DCP2: variants seen among roughly 807,000 people sequenced by gnomAD.
The protein encoded by DCP2 is m7GpppN-mRNA hydrolase.
In DCP2, 30 loss-of-function variants were observed where a neutral mutation model predicts 56.1. The ratio of observed to expected loss-of-function variants is 0.53; its 90% CI spans 0.40 to 0.73. DCP2 has a LOEUF of 0.73. Ranked by LOEUF, DCP2 falls within the 30% of genes least tolerant of loss-of-function variation. The probability of loss-of-function intolerance (pLI) is 0.00; values close to 1 mark genes in which losing one functional copy is unlikely to be tolerated. For missense variants in DCP2, 533 were observed against 502.7 expected (o/e 1.06, Z -0.58); for synonymous variants, 197 against 163.3 (o/e 1.21, Z -1.57).
intron 7 of DCP2, among the ~76,000 whole-genome samples, chr5:113,002,957 TAGAG>T (rs567479071): frequency 2.4e-4 from 37 of 152,336 alleles, no homozygotes; most frequent in African/African-American, 4.8e-4. Context: ...TTGCCTATGT[TAGAG>T]AGAGTTGATT....
chr5:113,003,573 C>A (rs1170772984), intron 7 of DCP2, among the ~76,000 whole-genome samples: 1 of 152,054 alleles, frequency 6.6e-6, no homozygotes, highest in East Asian at 1.9e-4. Context: ...GAAACCCAGT[C>A]TCAAAAAGCA....
At chr5:113,000,433 C>CACCCCCACACCCACA (rs1749124413) in intron 4 of DCP2, among the ~76,000 whole-genome samples, 1 of 152,076 alleles carries the variant, frequency 6.6e-6, no homozygotes, top group Non-Finnish European at 1.5e-5. Flanking sequence ...CACCCACACA[C>CACCCCCACACCCACA]CCTACCTGAG....
intron 9 of DCP2, chr5:113,008,243 C>G (rs938121456): frequency 1.1e-5 from 5 of 437,730 alleles, no homozygotes; most frequent in African/African-American, 3.9e-5. Context: ...AATGTTGATG[C>G]AATTGTACAT....
intron 1 of DCP2, chr5:112,984,703 A>AAAAAAT: frequency 1.5e-5 from 1 of 64,858 alleles, no homozygotes; most frequent in African/African-American, 7.9e-5. Flanking sequence ...AAAAAAAAAA[A>AAAAAAT]ATATATATAT....
chr5:113,001,328 T>C (rs889639685), intron 5 of DCP2, 29 bp from the exon 6 acceptor site: 1 of 1,598,004 alleles, frequency 6.3e-7, no homozygotes, highest in Non-Finnish European at 8.5e-7. Flanking sequence ...AAAAATTAAC[T>C]AAATGAATTA....
At chr5:112,991,859 A>G (rs112028605) in intron 2 of DCP2, among the ~76,000 whole-genome samples, 2 of 152,224 alleles carry the variant, frequency 1.3e-5, no homozygotes, top group Non-Finnish European at 2.9e-5. Flanking sequence ...ATTTGTGTGT[A>G]GGCTACAAAT....
At chr5:113,012,512 ATGTC>A (rs1749718726) in intron 10 of DCP2, among the ~76,000 whole-genome samples, 1 of 152,180 alleles carries the variant, frequency 6.6e-6, no homozygotes, top group African/African-American at 2.4e-5. Context: ...CAGCCTCTTG[ATGTC>A]TATTCCAAAC....
At chr5:113,004,508 GTTTA>G (rs1749322658) in intron 8 of DCP2, among the ~76,000 whole-genome samples, 1 of 152,182 alleles carries the variant, frequency 6.6e-6, no homozygotes, top group Admixed American at 6.5e-5. Flanking sequence ...AAGCACCACA[GTTTA>G]TTTATTCATA....
chr5:112,986,804 G>A (rs1305564266), intron 2 of DCP2, among the ~76,000 whole-genome samples: 1 of 152,036 alleles, frequency 6.6e-6, no homozygotes, highest in Non-Finnish European at 1.5e-5. Flanking sequence ...GTTTGAGACC[G>A]GCCTGGGCAT....
At chr5:113,004,135 T>G in intron 8 of DCP2, 58 bp downstream of exon 8, 1 of 1,578,946 alleles carries the variant, frequency 6.3e-7, no homozygotes, top group African/African-American at 1.4e-5. Flanking sequence ...CTTTGAAATT[T>G]TTCTCAATTG....
At chr5:113,005,392 C>A (rs1425860815) in intron 8 of DCP2, among the ~76,000 whole-genome samples, 1 of 152,024 alleles carries the variant, frequency 6.6e-6, no homozygotes, top group Admixed American at 6.5e-5. Flanking sequence ...ATGCAAATGG[C>A]TCAACATTAT....
intron 1 of DCP2, among the ~76,000 whole-genome samples, chr5:112,981,983 G>A (rs746135107): frequency 8.8e-4 from 134 of 152,230 alleles, no homozygotes; most frequent in Middle Eastern, 3.4e-3. Context: ...AGCCAGGCTG[G>A]TCTTGAACTC....
chr5:112,999,647 G>C (rs994770457), intron 4 of DCP2, among the ~76,000 whole-genome samples: 4 of 140,932 alleles, frequency 2.8e-5, no homozygotes, highest in Non-Finnish European at 6.1e-5. Flanking sequence ...TTTTTTTAAA[G>C]ACAGGGTCTT....
At chr5:112,977,963 T>G (rs929225774) in intron 1 of DCP2, among the ~76,000 whole-genome samples, 2 of 152,020 alleles carry the variant, frequency 1.3e-5, no homozygotes, top group Non-Finnish European at 2.9e-5. Context: ...TTGGGGTTTT[T>G]TTTGTTTGTT....
chr5:113,004,843 C>T (rs1171497208), intron 8 of DCP2, among the ~76,000 whole-genome samples: 4 of 149,646 alleles, frequency 2.7e-5, no homozygotes, highest in African/African-American at 5.0e-5. Flanking sequence ...ATATACTGGG[C>T]TTGGCCAGGC....
At position 113,015,569 on chromosome 5, in the gene DCP2, CTTTA is replaced by C; in HGVS notation, c.*2090_*2093del. The C allele has an allele frequency of 6.6e-6, 1 of 152,608 alleles. No homozygotes were observed. Among genetic ancestry groups the C allele is most frequent in the South Asian group, 2.1e-4 (1 of 4,818 alleles). 9.5% of individuals were successfully genotyped at this position (152,608 alleles called of 1,614,324 possible). A position where few individuals can be genotyped will look rare whatever the true frequency, so the allele number is the denominator to read the frequency against. ...GTTAAATGTTACTGCTGTTGCGCTG[CTTTA>C]TTTAATGCACTGTGGAACAAAATAT... On this transcript the variant is annotated 3_prime_UTR_variant, in exon 11 of 11. Coordinates refer to ENST00000389063, the MANE Select transcript of DCP2 (RefSeq NM_152624.6).
Position 113,013,660 on chromosome 5 carries a change from C to T in DCP2, c.*176C>T. 1 of 685,150 alleles carries T rather than the reference C, an allele frequency of 1.5e-6. No individual in the cohort carries two copies. Among genetic ancestry groups the T allele is most frequent in the Non-Finnish European group, 2.4e-6 (1 of 420,456 alleles). 42.4% of individuals were successfully genotyped at this position (685,150 alleles called of 1,614,324 possible). ...GAAACACGAGTTTGCACTGTAAATG[C>T]AGTTATAACCTTTTATACAGATTTA... On this transcript the variant is annotated 3_prime_UTR_variant, in exon 11 of 11. Transcript: ENST00000389063.
intron 1 of DCP2, among the ~76,000 whole-genome samples, chr5:112,985,218 T>C (rs1049643515): frequency 6.6e-6 from 1 of 152,164 alleles, no homozygotes; most frequent in Non-Finnish European, 1.5e-5. Context: ...ATTACATATG[T>C]GTACATGCAA....
At position 112,991,099 on chromosome 5, in the gene DCP2, A is replaced by T. The variant is rs886964379; in HGVS notation, c.206-1022A>T. Among the ~76,000 whole-genome samples, 3 of 152,324 alleles carry T rather than the reference A, an allele frequency of 2.0e-5. No individual in the cohort carries two copies. In the South Asian group the frequency reaches 6.2e-4, roughly 32 times the overall value. On this transcript the variant is annotated intron_variant, in intron 2 of 10. Transcript: ENST00000389063. ...CTGTTTTTAATAGCCTGTAGCAATT[A>T]AAGTAGTACTAGTACCAATATGGTC...
Sources: allele counts gnomAD v4.1 joint callset (sites outside exome capture counted in the v4.1 genomes callset), GRCh38; gene constraint gnomAD v4.1.1; transcripts MANE v1.5; gene names NCBI Gene and HGNC (gene_info 2026-07-23, HGNC 2026-07-21).